Variants in UPF2 observed in about 807,000 individuals in gnomAD.
UPF2 encodes regulator of nonsense transcripts 2.
UPF2 carries 17 observed loss-of-function variants against 141.4 expected under a neutral mutation model. The ratio of observed to expected loss-of-function variants is 0.12; its 90% CI spans 0.08 to 0.18. UPF2 has a LOEUF of 0.18. Ranked by LOEUF, UPF2 falls within the 10% of genes least tolerant of loss-of-function variation. The probability of loss-of-function intolerance (pLI) is 1.00; values close to 1 mark genes in which losing one functional copy is unlikely to be tolerated. For missense variants in UPF2, 1,152 were observed against 1,515.9 expected (o/e 0.76, Z 3.99); for synonymous variants, 540 against 498.0 (o/e 1.08, Z -1.12).
At chr10:12,002,132 A>G (rs919829632) in intron 5 of UPF2, among the ~76,000 whole-genome samples, 3 of 152,078 alleles carry the variant, frequency 2.0e-5, no homozygotes, top group Non-Finnish European at 4.4e-5. Context: ...TTAACTGGGC[A>G]TGGTGGCACA....
At chr10:11,938,194 A>T (rs919402719) in intron 18 of UPF2, among the ~76,000 whole-genome samples, 3 of 152,158 alleles carry the variant, frequency 2.0e-5, no homozygotes, top group Non-Finnish European at 4.4e-5. Flanking sequence ...TACACTCAAC[A>T]TACATATTTT....
chr10:11,971,350 G>A (rs1833414706), intron 9 of UPF2, among the ~76,000 whole-genome samples: 1 of 151,634 alleles, frequency 6.6e-6, no homozygotes, highest in Admixed American at 6.6e-5. Context: ...CGCCTCCCGG[G>A]TTCAAGTGAT....
chr10:11,973,339 A>G (rs866660588), intron 9 of UPF2, among the ~76,000 whole-genome samples: 12 of 152,150 alleles, frequency 7.9e-5, no homozygotes, highest in Admixed American at 3.9e-4. Context: ...TAGGTTGCCT[A>G]TTCACTCTGA....
chr10:11,988,912 T>C (rs921285649), intron 8 of UPF2, among the ~76,000 whole-genome samples: 5 of 152,160 alleles, frequency 3.3e-5, no homozygotes, highest in Admixed American at 6.5e-5. Flanking sequence ...GAATCAGAAA[T>C]GGGATGACAG....
chr10:11,936,082 A>C lies in UPF2; in HGVS notation c.3546+463T>G, dbSNP rs983230176. Among the ~76,000 whole-genome samples, 8 of 152,172 alleles carry C rather than the reference A, an allele frequency of 5.3e-5. No homozygotes were observed. The highest frequency in any genetic ancestry group is 3.3e-4 in the Admixed American group (5 of 15,274). ...TACAAACATGTATGATTTAAAACAC[A>C]TAAGGGGCCAAGTGCAGTTGCTCAC... is the stretch of plus-strand genomic sequence containing the variant. On this transcript the variant is annotated intron_variant, in intron 19 of 21. Coordinates refer to ENST00000357604, the MANE Select transcript of UPF2 (RefSeq NM_015542.4). This position sits in a 1 kb window ranked among gnomAD's most constrained non-coding sequence, Gnocchi z 6.6.
chr10:12,035,007 T>C, intron 2 of UPF2, 52 bp downstream of exon 2: 2 of 1,507,914 alleles, frequency 1.3e-6, no homozygotes, highest in Non-Finnish European at 1.8e-6. Context: ...TTTCCCAAAA[T>C]ATTCCAATCT....
chr10:11,980,757 A>G lies in UPF2; in HGVS notation c.1845-1592T>C, dbSNP rs1177942224. 6.6e-6 allele frequency among the ~76,000 whole-genome samples: 1 copy of G among 152,176 alleles called. No homozygotes were observed. Among genetic ancestry groups the G allele is most frequent in the Admixed American group, 6.5e-5 (1 of 15,276 alleles). On this transcript the variant is annotated intron_variant, in intron 8 of 21. Coordinates refer to ENST00000357604, the MANE Select transcript of UPF2 (RefSeq NM_015542.4). This position sits in a 1 kb window ranked among gnomAD's most constrained non-coding sequence, Gnocchi z 4.2. Reference sequence around the variant, plus strand: ...TCAAAAAAAGATTATTGCTGAGCACATCACTGTACCATACAATAATATATG... The same window carrying G: ...TCAAAAAAAGATTATTGCTGAGCACGTCACTGTACCATACAATAATATATG...
Position 12,029,047 on chromosome 10 carries a change from C to T in UPF2, c.843G>A (p.Lys281=). 1 of 1,614,176 alleles carries T rather than the reference C, an allele frequency of 6.2e-7. No individual in the cohort carries two copies. The highest frequency in any genetic ancestry group is 8.5e-7 in the Non-Finnish European group (1 of 1,180,028). ...GTTCATAGATTAAGGAAAGACCTTCCTTGTCAGTGAAAATCCCAACTATTG... is the reference window on the plus strand; with the variant it reads ...GTTCATAGATTAAGGAAAGACCTTCTTTGTCAGTGAAAATCCCAACTATTG... ...ELTIVGIFTD[K]EGLSLIYEQL... is the part of the protein sequence containing the mutation. The change falls in exon 3 of 22, where the codon AAG becomes AAA. Residue 281 remains lysine (K), a synonymous_variant. Transcript: ENST00000357604.
intron 21 of UPF2, among the ~76,000 whole-genome samples, chr10:11,923,003 C>T (rs1372400844): frequency 1.8e-4 from 28 of 152,120 alleles, no homozygotes; most frequent in Admixed American, 1.8e-3. Context: ...CACTGTACTC[C>T]AGCCTGGGTG....
chr10:11,939,023 C>T lies in UPF2; in HGVS notation c.3379-2311G>A, dbSNP rs1207414037. Among the ~76,000 whole-genome samples, 1 of 151,796 alleles carries T rather than the reference C, an allele frequency of 6.6e-6. No homozygotes were observed. Among genetic ancestry groups the T allele is most frequent in the African/African-American group, 2.4e-5 (1 of 41,322 alleles). On this transcript the variant is annotated intron_variant, in intron 18 of 21. Transcript: ENST00000357604. This position sits in a 1 kb window ranked among gnomAD's most constrained non-coding sequence, Gnocchi z 4.8. ...AAGTAGCTGGGACTACAGGCACCCA[C>T]CACCACAACCAGCTAATTTTTTGTA...
At chr10:11,938,853 G>GTTTTTTTTTTGTTTTT (rs1832890354) in intron 18 of UPF2, among the ~76,000 whole-genome samples, 1 of 79,816 alleles carries the variant, frequency 1.3e-5, no homozygotes, top group African/African-American at 5.0e-5. Context: ...TTTTTTTTTT[G>GTTTTTTTTTTGTTTTT]TTTTTTTTTT....
In UPF2 at chr10:11,935,618, G is replaced by C. The variant is rs1832839853; in HGVS notation, c.3546+927C>G. 6.6e-6 allele frequency among the ~76,000 whole-genome samples: 1 copy of C among 152,162 alleles called. No individual in the cohort carries two copies. The highest frequency in any genetic ancestry group is 2.1e-4 in the South Asian group (1 of 4,828). On this transcript the variant is annotated intron_variant, in intron 19 of 21. Transcript: ENST00000357604. This position sits in a 1 kb window ranked among gnomAD's most constrained non-coding sequence, Gnocchi z 4.9. The stretch of plus-strand genomic sequence containing the variant: ...AGAATTGACCTAAATACACCTAAAG[G>C]TGTATCTGAAAGCTGGCCTATATTC...
At chr10:12,013,899 C>T in intron 4 of UPF2, 125 bp downstream of exon 4, 1 of 990,090 alleles carries the variant, frequency 1.0e-6, no homozygotes, top group Non-Finnish European at 1.3e-6. Flanking sequence ...CATGCTTGGC[C>T]CATTTTGAAA....
At chr10:11,991,276 A>G (rs1833776153) in intron 8 of UPF2, among the ~76,000 whole-genome samples, 1 of 152,178 alleles carries the variant, frequency 6.6e-6, no homozygotes, top group Non-Finnish European at 1.5e-5. Flanking sequence ...GTAGAGGGAA[A>G]AGACTTTGCA....
intron 21 of UPF2, among the ~76,000 whole-genome samples, chr10:11,929,423 G>C (rs1198742924): frequency 6.6e-6 from 1 of 152,182 alleles, no homozygotes; most frequent in Non-Finnish European, 1.5e-5. Flanking sequence ...GATGGCTTGA[G>C]CTCAGGAGTT....
rs1832764640 is a variant in UPF2 at position 11,930,074 on chromosome 10, T to G, written c.3689-89A>C. 6.9e-5 allele frequency: 109 copies of G among 1,569,418 alleles called. 1 individual carries two copies. In the South Asian group the frequency reaches 1.2e-3, roughly 17 times the overall value. On this transcript the variant is annotated intron_variant, in intron 20 of 21. Coordinates refer to ENST00000357604, the MANE Select transcript of UPF2 (RefSeq NM_015542.4). ...TGAACGAAATGTTGGGGAGATTAAG[T>G]TTATTAGTCCTGTCAGGGAGCTGAC...
At chr10:12,031,865 A>AT (rs1478055582) in intron 2 of UPF2, among the ~76,000 whole-genome samples, 2 of 152,144 alleles carry the variant, frequency 1.3e-5, no homozygotes, top group Non-Finnish European at 2.9e-5. Context: ...TAATTATTTG[A>AT]TTTTTCCATT....
At chr10:12,030,601 G>C (rs1834502014) in intron 2 of UPF2, among the ~76,000 whole-genome samples, 2 of 151,742 alleles carry the variant, frequency 1.3e-5, no homozygotes, top group South Asian at 4.2e-4. Context: ...AAAATGTTTT[G>C]AGGCCTGGGC....
At position 11,964,649 on chromosome 10, in the gene UPF2, A is replaced by T. The variant is rs541533827; in HGVS notation, c.2068-524T>A. The stretch of plus-strand genomic sequence containing the variant: ...TGGTTCTTCTGGCTTACTAGGAAAA[A>T]TTTTTTGTGTCCTTTTTTGTCCTTC... On this transcript the variant is annotated intron_variant, in intron 10 of 21. Coordinates refer to ENST00000357604, the MANE Select transcript of UPF2 (RefSeq NM_015542.4). Among the ~76,000 whole-genome samples, 242 of 152,244 alleles carry T rather than the reference A, an allele frequency of 1.6e-3. 1 individual carries two copies. The highest frequency in any genetic ancestry group is 5.4e-3 in the African/African-American group (224 of 41,532).
Sources: allele counts gnomAD v4.1 joint callset (sites outside exome capture counted in the v4.1 genomes callset), GRCh38; gene constraint gnomAD v4.1.1; non-coding constraint Gnocchi (gnomAD v3.1); transcripts MANE v1.5; gene names NCBI Gene and HGNC (gene_info 2026-07-23, HGNC 2026-07-21).